Variants in ABCG8 observed in about 807,000 individuals in gnomAD.
ABCG8 encodes the protein ATP binding cassette subfamily G member 8, also known as ATP-binding cassette sub-family G member 8.
In ABCG8, 81 loss-of-function variants were observed where a neutral mutation model predicts 71.3. That is an observed-to-expected ratio of 1.14 (90% CI 0.95 to 1.37). The LOEUF is 1.37. Among genes scored for constraint, ABCG8 ranks in the 40% most tolerant of loss-of-function variants. The pLI is 0.00. For missense variants in ABCG8, 1,119 were observed against 866.2 expected (o/e 1.29, Z -3.66); for synonymous variants, 451 against 354.7 (o/e 1.27, Z -3.05).
chr2:43,862,239 G>C (rs1217263945), intron 6 of ABCG8, among the ~76,000 whole-genome samples: 2 of 150,366 alleles, frequency 1.3e-5, no homozygotes, highest in East Asian at 1.9e-4. Flanking sequence ...TATCTGTCTG[G>C]ATAGAATTCT....
intron 2 of ABCG8, among the ~76,000 whole-genome samples, chr2:43,845,776 C>T (rs1470304829): frequency 6.6e-6 from 1 of 152,152 alleles, no homozygotes; most frequent in Non-Finnish European, 1.5e-5. Context: ...CAACCACCAC[C>T]ATGCCTGGCT....
intron 1 of ABCG8, among the ~76,000 whole-genome samples, chr2:43,841,841 C>T (rs1294035433): frequency 6.6e-6 from 1 of 152,220 alleles, no homozygotes; most frequent in African/African-American, 2.4e-5. Flanking sequence ...GTCTGACCTT[C>T]CTTCCTCAGC....
intron 6 of ABCG8, among the ~76,000 whole-genome samples, chr2:43,863,503 T>C (rs1669407561): frequency 6.6e-6 from 1 of 151,386 alleles, no homozygotes; most frequent in Non-Finnish European, 1.5e-5. Flanking sequence ...GAACTCTTAG[T>C]ATCTGGAAAG....
At chr2:43,874,605 C>T (rs551582088) in intron 10 of ABCG8, 122 bp downstream of exon 10, 53 of 813,730 alleles carry the variant, frequency 6.5e-5, no homozygotes, top group Non-Finnish European at 7.8e-5. Flanking sequence ...GTGAAGTCAC[C>T]GATGCCACCA....
At chr2:43,876,794 G>A (rs1669972069) in intron 11 of ABCG8, among the ~76,000 whole-genome samples, 1 of 150,298 alleles carries the variant, frequency 6.7e-6, no homozygotes, top group South Asian at 2.1e-4. Context: ...GGAGACCGTG[G>A]GAATATGAAG....
At chr2:43,848,445 C>T (rs1421247486) in intron 3 of ABCG8, 2 of 152,176 alleles carry the variant, frequency 1.3e-5, no homozygotes, top group Non-Finnish European at 2.9e-5. Context: ...TGAGACTCAG[C>T]AACTTGTCTC....
intron 6 of ABCG8, among the ~76,000 whole-genome samples, chr2:43,867,089 C>T (rs1421583389): frequency 2.0e-5 from 3 of 151,350 alleles, no homozygotes; most frequent in African/African-American, 2.4e-5. Flanking sequence ...AGTAAACTAT[C>T]GCAAGAACAA....
intron 10 of ABCG8, 71 bp downstream of exon 10, chr2:43,874,554 C>G: frequency 7.5e-7 from 1 of 1,325,356 alleles, no homozygotes; most frequent in Admixed American, 1.7e-5. Context: ...GAAAACGTTG[C>G]TACAAGGAAG....
Position 43,851,823 on chromosome 2 carries a change from G to C in ABCG8, c.561+1G>C, listed in dbSNP as rs1260588546. On this transcript the variant is annotated splice_donor_variant, in intron 4 of 12. Coordinates refer to ENST00000272286, the MANE Select transcript of ABCG8 (RefSeq NM_022437.3). LOFTEE classifies it high-confidence loss of function. ...CTCCCAGGCCCAGCGTGACAAAAGG[G>C]TAACTAACTGGCCCCAGTGGTGACC... The C allele has an allele frequency of 6.2e-7, 1 of 1,614,064 alleles. No homozygotes were observed. The highest frequency in any genetic ancestry group is 1.1e-5 in the South Asian group (1 of 91,086).
At chr2:43,850,868 C>A (rs1211333029) in intron 3 of ABCG8, among the ~76,000 whole-genome samples, 1 of 150,726 alleles carries the variant, frequency 6.6e-6, no homozygotes, top group African/African-American at 2.4e-5. Context: ...TGAGATCACA[C>A]CATTGCACTC....
intron 6 of ABCG8, among the ~76,000 whole-genome samples, chr2:43,858,507 T>C (rs56792518): frequency 0.052 from 7,886 of 151,456 alleles, 246 homozygotes; most frequent in Middle Eastern, 0.11. Context: ...AATAGTACTC[T>C]CACTATCTAT....
At chr2:43,842,155 G>A (rs1264047864) in intron 1 of ABCG8, among the ~76,000 whole-genome samples, 1 of 152,072 alleles carries the variant, frequency 6.6e-6, no homozygotes, top group East Asian at 1.9e-4. Flanking sequence ...GACTATAGGG[G>A]TGTGCCACCA....
intron 6 of ABCG8, among the ~76,000 whole-genome samples, chr2:43,859,291 C>G (rs552361750): frequency 1.3e-5 from 2 of 151,470 alleles, no homozygotes; most frequent in African/African-American, 4.8e-5. Context: ...AATTCTCACC[C>G]TCTGGATAGA....
intron 6 of ABCG8, among the ~76,000 whole-genome samples, chr2:43,861,684 T>A (rs1572848192): frequency 1.3e-5 from 2 of 151,212 alleles, no homozygotes; most frequent in East Asian, 3.9e-4. Context: ...TGGATAGAAC[T>A]CTCACAATCT....
chr2:43,878,463 T>C lies in ABCG8; in HGVS notation c.*550T>C. ...TGAACAATTAAAAATGTATTGAGCATCTACTCTGTAGCAGGTCCTGTGAAA... is the reference window on the plus strand; with the variant it reads ...TGAACAATTAAAAATGTATTGAGCACCTACTCTGTAGCAGGTCCTGTGAAA... On this transcript the variant is annotated 3_prime_UTR_variant, in exon 13 of 13. Coordinates refer to ENST00000272286, the MANE Select transcript of ABCG8 (RefSeq NM_022437.3). 1 of 206,590 alleles carries C rather than the reference T, an allele frequency of 4.8e-6. No homozygotes were observed. Among genetic ancestry groups the C allele is most frequent in the Non-Finnish European group, 1.0e-5 (1 of 99,956 alleles). 12.8% of individuals were successfully genotyped at this position (206,590 alleles called of 1,614,324 possible).
In ABCG8 at chr2:43,878,641, G is replaced by C. The variant is rs1670037619; in HGVS notation, c.*728G>C. ...AGCCTTTGAGGCCTTTGGAGTTAGA[G>C]GGCAGAAGGCAAGGCCTGAGCCGCT... On this transcript the variant is annotated 3_prime_UTR_variant, in exon 13 of 13. Transcript: ENST00000272286. 1 of 156,154 alleles carries C rather than the reference G, an allele frequency of 6.4e-6. No homozygotes were observed. The highest frequency in any genetic ancestry group is 2.4e-5 in the African/African-American group (1 of 41,470). The allele number at this position is 156,154 out of a possible 1,614,324, so 9.7% of individuals were successfully genotyped here. A position where few individuals can be genotyped will look rare whatever the true frequency, so the allele number is the denominator to read the frequency against.
chr2:43,858,572 C>G (rs1411152203), intron 6 of ABCG8, among the ~76,000 whole-genome samples: 1 of 151,460 alleles, frequency 6.6e-6, no homozygotes, highest in Non-Finnish European at 1.5e-5. Context: ...ATAGACTACT[C>G]ACCATTTGGA....
rs764334802 is a variant in ABCG8, at chr2:43,852,791, C to T, written c.887C>T (p.Ala296Val). 4.3e-5 allele frequency: 70 copies of T among 1,613,968 alleles called. No homozygotes were observed. Among genetic ancestry groups the T allele is most frequent in the South Asian group, 2.3e-4 (21 of 91,072 alleles). The change falls in exon 6 of 13, where the codon GCG becomes GTG. Residue 296 changes from alanine to valine, a missense_variant. Transcript: ENST00000272286. ...MTSGTPIYLG[A>V]AQHMVQYFTA... The stretch of plus-strand genomic sequence containing the variant: ...TCTGGCACCCCCATCTACTTAGGGG[C>T]GGCCCAGCACATGGTCCAGTATTTC...
chr2:43,860,966 C>A (rs1433122659), intron 6 of ABCG8, among the ~76,000 whole-genome samples: 2 of 148,580 alleles, frequency 1.3e-5, no homozygotes, highest in Non-Finnish European at 3.0e-5. Flanking sequence ...ATAATTCTCA[C>A]TCTCTGGATA....
Sources: gnomAD v4.1 joint callset for allele counts (sites outside exome capture counted in the v4.1 genomes callset) on GRCh38, gnomAD v4.1.1 for gene constraint, MANE v1.5 for transcripts, NCBI Gene and HGNC (gene_info 2026-07-23, HGNC 2026-07-21) for gene names.